The following KIF24 variants were observed in gnomAD, a reference collection of about 807,000 sequenced individuals.
The protein encoded by KIF24 is kinesin-like protein KIF24.
KIF24 carries 81 observed loss-of-function variants against 118.9 expected under a neutral mutation model. That is an observed-to-expected ratio of 0.68 (90% CI 0.57 to 0.82). The LOEUF is 0.82. KIF24 is among the 40% of genes least tolerant of loss of function. The probability of loss-of-function intolerance (pLI) is 0.00; values close to 1 mark genes in which losing one functional copy is unlikely to be tolerated. For missense variants in KIF24, 1,560 were observed against 1,661.6 expected (o/e 0.94, Z 1.06); for synonymous variants, 599 against 610.0 (o/e 0.98, Z 0.27).
chr9:34,314,524 C>T (rs1490304003), intron 1 of KIF24, among the ~76,000 whole-genome samples: 1 of 151,940 alleles, frequency 6.6e-6, no homozygotes, highest in Non-Finnish European at 1.5e-5. Context: ...CTATAGAAAA[C>T]CAAAAAACAA....
chr9:34,288,848 C>CCACACACACACACACACACACA (rs10537521), intron 5 of KIF24, among the ~76,000 whole-genome samples: 3 of 138,902 alleles, frequency 2.2e-5, no homozygotes, highest in African/African-American at 8.2e-5. Context: ...CCCAAATAAA[C>CCACACACACACACACACACACA]CACACACACA....
chr9:34,255,670 C>T, intron 11 of KIF24, 65 bp downstream of exon 11: 1 of 1,394,180 alleles, frequency 7.2e-7, no homozygotes, highest in Admixed American at 2.2e-5. Flanking sequence ...CATGACAAAA[C>T]AGTAAGCTGG....
Position 34,297,087 on chromosome 9 carries a change from C to A in KIF24, c.841G>T (p.Gly281Cys). The A allele has an allele frequency of 1.3e-6, 2 of 1,583,576 alleles. No individual in the cohort carries two copies. Among genetic ancestry groups the A allele is most frequent in the African/African-American group, 2.7e-5 (2 of 74,502 alleles). The change falls in exon 4 of 13, where the codon GGT (glycine) becomes TGT (cysteine). Residue 281 changes from glycine to cysteine, a missense_variant. By Grantham distance (159) the Gly-to-Cys change is radical (BLOSUM62 -3). Coordinates refer to ENST00000402558, the MANE Select transcript of KIF24 (RefSeq NM_194313.4). ...QHVFYFDEVF[G>C]EACTNQDVYM... ...ACATCCTGATTGGTGCACGCCTCAC[C>A]AAAGACTTCATCAAAATAAAAAACA...
At chr9:34,255,626 T>C in intron 11 of KIF24, 109 bp downstream of exon 11, 1 of 961,980 alleles carries the variant, frequency 1.0e-6, no homozygotes, top group South Asian at 1.7e-5. Context: ...GCAGACTAGC[T>C]CACCTGCGTA....
chr9:34,290,597 CTTTT>C (rs374738317), intron 4 of KIF24, among the ~76,000 whole-genome samples: 3 of 137,646 alleles, frequency 2.2e-5, no homozygotes, highest in Non-Finnish European at 3.2e-5. Context: ...ACAAGTTTTC[CTTTT>C]TTTTTTTTTT....
At chr9:34,265,434 T>A (rs1376914245) in intron 8 of KIF24, among the ~76,000 whole-genome samples, 1 of 152,194 alleles carries the variant, frequency 6.6e-6, no homozygotes, top group Non-Finnish European at 1.5e-5. Context: ...CCTCCCAAAA[T>A]GCTGGGATTA....
At chr9:34,282,387 T>C (rs1358638252) in intron 6 of KIF24, 1 of 151,764 alleles carries the variant, frequency 6.6e-6, no homozygotes, top group East Asian at 1.9e-4. Context: ...AAATAGGGAG[T>C]AACTGCTAAT....
chr9:34,297,921 G>T (rs1430726590), intron 3 of KIF24, among the ~76,000 whole-genome samples: 1 of 152,162 alleles, frequency 6.6e-6, no homozygotes, highest in African/African-American at 2.4e-5. Context: ...CATTACCCTA[G>T]CATTTCCCTA....
At chr9:34,271,325 C>CAAA (rs58895274) in intron 7 of KIF24, among the ~76,000 whole-genome samples, 5 of 107,346 alleles carry the variant, frequency 4.7e-5, no homozygotes, top group East Asian at 3.2e-4. Context: ...AGCAATCCAG[C>CAAA]AAAAAAAAAA....
At chr9:34,297,888 T>C (rs541337901) in intron 3 of KIF24, among the ~76,000 whole-genome samples, 2 of 152,268 alleles carry the variant, frequency 1.3e-5, no homozygotes, top group Admixed American at 1.3e-4. Context: ...CAGTAGGCAC[T>C]TGAAGGGGCC....
At chr9:34,330,125 C>T (rs1837853962), upstream of KIF24, among the ~76,000 whole-genome samples, 2 of 152,226 alleles carry the variant, frequency 1.3e-5, no homozygotes. Context: ...CAATGCAGGC[C>T]GGGTGCGGTG....
rs1197919098 is a variant in KIF24 at position 34,290,290 on chromosome 9, G to A, written c.1011C>T (p.Ala337=). Residue 337 remains alanine (A), a synonymous_variant, in exon 5 of 13, where the codon GCC becomes GCT. Coordinates refer to ENST00000402558, the MANE Select transcript of KIF24 (RefSeq NM_194313.4). ...HENPGLYALA[A]KDIFRQLEVS... is the part of the protein sequence containing the mutation. The stretch of plus-strand genomic sequence containing the variant: ...CTTCTAGTTGCCTGAAGATATCTTT[G>A]GCAGCTAGAGCATACAATCCTGGGT... 1.2e-6 allele frequency: 2 copies of A among 1,613,824 alleles called. No individual in the cohort carries two copies. Among genetic ancestry groups the A allele is most frequent in the Admixed American group, 1.7e-5 (1 of 60,004 alleles).
intron 5 of KIF24, among the ~76,000 whole-genome samples, chr9:34,288,123 A>C (rs1469991393): frequency 6.6e-6 from 1 of 152,112 alleles, no homozygotes; most frequent in Non-Finnish European, 1.5e-5. Context: ...TTCCAGTTTA[A>C]GAGGCACACT....
chr9:34,301,997 C>CTTTTTT (rs778142590), intron 3 of KIF24, among the ~76,000 whole-genome samples: 2 of 137,666 alleles, frequency 1.5e-5, no homozygotes, highest in Admixed American at 7.4e-5. Context: ...ATTTTTTTTT[C>CTTTTTT]TTTTTTTTTT....
At chr9:34,315,411 A>G (rs933793372) in intron 1 of KIF24, among the ~76,000 whole-genome samples, 1 of 152,170 alleles carries the variant, frequency 6.6e-6, no homozygotes, top group African/African-American at 2.4e-5. Context: ...TTCATATGCT[A>G]TATGTTACAG....
chr9:34,264,193 G>A (rs191402735), intron 8 of KIF24, among the ~76,000 whole-genome samples: 5 of 151,920 alleles, frequency 3.3e-5, no homozygotes, highest in Admixed American at 2.0e-4. Context: ...AGGCTGAGGC[G>A]GGCAGATTAT....
intron 1 of KIF24, among the ~76,000 whole-genome samples, chr9:34,325,838 G>A (rs1837655802): frequency 6.6e-6 from 1 of 152,056 alleles, no homozygotes; most frequent in East Asian, 1.9e-4. Flanking sequence ...TATTTATCAG[G>A]GTAATTTGAT....
intron 3 of KIF24, among the ~76,000 whole-genome samples, chr9:34,303,452 T>C (rs1392798902): frequency 6.6e-6 from 1 of 152,228 alleles, no homozygotes; most frequent in Non-Finnish European, 1.5e-5. Context: ...TCACAGTTAA[T>C]AGCTTTCCTA....
chr9:34,287,269 C>A (rs1012219076), intron 5 of KIF24, among the ~76,000 whole-genome samples: 1 of 152,222 alleles, frequency 6.6e-6, no homozygotes, highest in African/African-American at 2.4e-5. Context: ...TGAAGCCTGA[C>A]TGTCCTCTAA....
Sources: allele counts gnomAD v4.1 joint callset (sites outside exome capture counted in the v4.1 genomes callset), GRCh38; gene constraint gnomAD v4.1.1; transcripts MANE v1.5; gene names NCBI Gene and HGNC (gene_info 2026-07-23, HGNC 2026-07-21).